Variants in LRFN2 observed in about 807,000 individuals in gnomAD.
LRFN2 encodes leucine-rich repeat and fibronectin type-III domain-containing protein 2.
Under a neutral mutation model 37.3 loss-of-function variants are expected in LRFN2, and 18 were observed. The ratio of observed to expected loss-of-function variants is 0.48; its 90% CI spans 0.33 to 0.72. The LOEUF (loss-of-function observed/expected upper bound fraction) is 0.72, where lower values mean the gene tolerates loss of function less well. LRFN2 is among the 30% of genes least tolerant of loss of function. LRFN2 has a pLI of 0.02. For synonymous variants in LRFN2, 556 were observed against 466.6 expected (o/e 1.19, Z -2.47); for missense variants, 1,006 against 1,060.7 (o/e 0.95, Z 0.72).
rs1338670032 is a variant in LRFN2, at chr6:40,392,404, G to A, written c.1909C>T (p.Arg637Trp). The change falls in exon 3 of 3, where the codon CGG becomes TGG. Residue 637 changes from arginine to tryptophan, a missense_variant. Arg to Trp is a moderately radical substitution (Grantham distance 101). Coordinates refer to ENST00000338305, the MANE Select transcript of LRFN2 (RefSeq NM_020737.3). The surrounding 1 kb of genome is among the most constrained non-coding windows in gnomAD (Gnocchi z 4.7). Reference sequence around the variant, plus strand: ...GAGGGTGGGATCCTCCAGGGGGCCCGTCCCAGCCCCGCAGCCTCCCCACTG... The same window carrying A: ...GAGGGTGGGATCCTCCAGGGGGCCCATCCCAGCCCCGCAGCCTCCCCACTG... Reference protein sequence around the residue: ...LGSGEAAGLGRAPWRIPPSAP... With the variant: ...LGSGEAAGLGWAPWRIPPSAP... 3.8e-6 allele frequency: 6 copies of A among 1,574,178 alleles called. No homozygotes were observed. The highest frequency in any genetic ancestry group is 1.3e-5 in the African/African-American group (1 of 74,078).
intron 2 of LRFN2, among the ~76,000 whole-genome samples, chr6:40,409,942 G>A (rs1175818654): frequency 6.6e-6 from 1 of 152,190 alleles, no homozygotes; most frequent in Non-Finnish European, 1.5e-5. Flanking sequence ...CAGTCAGGAG[G>A]AGCCCACTCA....
At chr6:40,522,285 C>T (rs530770444) in intron 1 of LRFN2, among the ~76,000 whole-genome samples, 16 of 152,220 alleles carry the variant, frequency 1.1e-4, no homozygotes, top group African/African-American at 3.9e-4. Context: ...CTAGAGGGTG[C>T]CCAGGAAGGT....
In LRFN2 at chr6:40,393,192, A is replaced by G. The variant is rs540297634; in HGVS notation, c.1401-280T>C. 3.3e-5 allele frequency among the ~76,000 whole-genome samples: 5 copies of G among 151,378 alleles called. No homozygotes were observed. The East Asian group carries it at 9.9e-4, about 30-fold the overall frequency. ...GAATAGGGCATAGGGAATAGAGAAG[A>G]AAGAGATGTGAGGAGGGAGACCCAG... On this transcript the variant is annotated intron_variant, in intron 2 of 2. Coordinates refer to ENST00000338305, the MANE Select transcript of LRFN2 (RefSeq NM_020737.3).
intron 1 of LRFN2, among the ~76,000 whole-genome samples, chr6:40,520,716 G>C (rs750998129): frequency 2.0e-5 from 3 of 152,148 alleles, no homozygotes; most frequent in Non-Finnish European, 4.4e-5. Flanking sequence ...GGCTGCAGTA[G>C]GGGGAGGGAG....
Position 40,587,049 on chromosome 6 carries a change from G to C in LRFN2, c.-127C>G, listed in dbSNP as rs1381589158. 1.3e-5 allele frequency: 2 copies of C among 152,174 alleles called. No individual in the cohort carries two copies. Among genetic ancestry groups the C allele is most frequent in the Non-Finnish European group, 2.9e-5 (2 of 68,048 alleles). 9.4% of individuals were successfully genotyped at this position (152,174 alleles called of 1,614,324 possible). On this transcript the variant is annotated 5_prime_UTR_variant, in exon 1 of 3. Coordinates refer to ENST00000338305, the MANE Select transcript of LRFN2 (RefSeq NM_020737.3). The surrounding 1 kb of genome is among the most constrained non-coding windows in gnomAD (Gnocchi z 4.2). ...ATCCTTCCCCGCCCGAGACAGACTC[G>C]AGCTAAACCCTCCGGCGGCTCCGGC...
rs113198456 is a variant in LRFN2 at position 40,517,884 on chromosome 6, C to T, written c.-19+69057G>A. Among the ~76,000 whole-genome samples, 833 of 152,278 alleles carry T rather than the reference C, an allele frequency of 5.5e-3. 3 individuals are homozygous for T. Among genetic ancestry groups the T allele is most frequent in the African/African-American group, 0.019 (784 of 41,552 alleles). On this transcript the variant is annotated intron_variant, in intron 1 of 2. Transcript: ENST00000338305. ...GGCAATGACAACAGAGACTGAATCA[C>T]TCAATCAAAGTTCACATGAGCTAAG...
At chr6:40,397,043 A>G (rs1762631105) in intron 2 of LRFN2, among the ~76,000 whole-genome samples, 1 of 152,198 alleles carries the variant, frequency 6.6e-6, no homozygotes, top group Admixed American at 6.5e-5. Context: ...ATTGCATCCC[A>G]CAGCCCACAC....
intron 1 of LRFN2, among the ~76,000 whole-genome samples, chr6:40,435,328 T>G (rs1763640523): frequency 1.3e-5 from 2 of 151,356 alleles, no homozygotes; most frequent in South Asian, 4.2e-4. Context: ...CTAATTATTT[T>G]TATTTTTATT....
At chr6:40,497,201 C>T (rs1294336816) in intron 1 of LRFN2, among the ~76,000 whole-genome samples, 1 of 152,178 alleles carries the variant, frequency 6.6e-6, no homozygotes, top group African/African-American at 2.4e-5. Context: ...TTGCCTCTGC[C>T]CCTTGCCTCA....
intron 1 of LRFN2, among the ~76,000 whole-genome samples, chr6:40,557,271 C>A (rs760302149): frequency 6.6e-6 from 1 of 152,182 alleles, no homozygotes; most frequent in Admixed American, 6.5e-5. Context: ...CCCAAGGCAC[C>A]GACATCTGAC....
intron 1 of LRFN2, among the ~76,000 whole-genome samples, chr6:40,564,270 T>C (rs1341765814): frequency 1.3e-5 from 2 of 152,212 alleles, no homozygotes; most frequent in Non-Finnish European, 2.9e-5. Context: ...CCTTTTGTCA[T>C]GTTCATGACC....
At chr6:40,461,059 C>G (rs1479074881) in intron 1 of LRFN2, among the ~76,000 whole-genome samples, 1 of 152,110 alleles carries the variant, frequency 6.6e-6, no homozygotes, top group Non-Finnish European at 1.5e-5. Flanking sequence ...GAAGCATACA[C>G]TATATACCAA....
At chr6:40,494,437 G>T (rs1459249224) in intron 1 of LRFN2, among the ~76,000 whole-genome samples, 1 of 152,138 alleles carries the variant, frequency 6.6e-6, no homozygotes, top group Admixed American at 6.5e-5. Context: ...CTTTGAAAAA[G>T]AGTAGAGTCT....
In LRFN2 at chr6:40,432,436, C is replaced by T; in HGVS notation, c.678G>A (p.Leu226=). 6.2e-7 allele frequency: 1 copy of T among 1,614,210 alleles called. No homozygotes were observed. Among genetic ancestry groups the T allele is most frequent in the Non-Finnish European group, 8.5e-7 (1 of 1,180,042 alleles). Residue 226 remains leucine (L), a synonymous_variant, in exon 2 of 3, where the codon TTG becomes TTA. Transcript: ENST00000338305. Reference sequence around the variant, plus strand: ...AGGGTGGGGCAAAGGGTGTGGCTGTCAAAGCCGAAGCCTGGGAGCGGGCAA... The same window carrying T: ...AGGGTGGGGCAAAGGGTGTGGCTGTTAAAGCCGAAGCCTGGGAGCGGGCAA... ...PIFARSQASA[L]TATPFAPPLS...
At chr6:40,403,600 A>T (rs986229152) in intron 2 of LRFN2, among the ~76,000 whole-genome samples, 1 of 152,100 alleles carries the variant, frequency 6.6e-6, no homozygotes, top group African/African-American at 2.4e-5. Flanking sequence ...GAGACAAAGC[A>T]CCCCAATCAT....
chr6:40,537,680 A>G (rs532444761), intron 1 of LRFN2, among the ~76,000 whole-genome samples: 2 of 152,018 alleles, frequency 1.3e-5, no homozygotes, highest in South Asian at 4.2e-4. Flanking sequence ...TCCCCACCAG[A>G]CCACAAGCTC....
intron 1 of LRFN2, among the ~76,000 whole-genome samples, chr6:40,478,353 A>C (rs1265842868): frequency 6.6e-6 from 1 of 152,146 alleles, no homozygotes; most frequent in Non-Finnish European, 1.5e-5. Context: ...CATTATCACC[A>C]CCACCATGGT....
chr6:40,473,672 C>T (rs1313241961), intron 1 of LRFN2, among the ~76,000 whole-genome samples: 1 of 152,048 alleles, frequency 6.6e-6, no homozygotes, highest in Non-Finnish European at 1.5e-5. Flanking sequence ...ATCTATCAAC[C>T]CATCATCTAG....
intron 1 of LRFN2, among the ~76,000 whole-genome samples, chr6:40,439,207 G>A (rs773786034): frequency 2.0e-5 from 3 of 152,190 alleles, no homozygotes; most frequent in Admixed American, 6.5e-5. Context: ...GCAACCAGCC[G>A]AGGAGCCGCC....
Sources: allele counts gnomAD v4.1 joint callset (sites outside exome capture counted in the v4.1 genomes callset), GRCh38; gene constraint gnomAD v4.1.1; non-coding constraint Gnocchi (gnomAD v3.1); transcripts MANE v1.5; gene names NCBI Gene and HGNC (gene_info 2026-07-23, HGNC 2026-07-21).